Variants in ABCC4 observed in about 807,000 individuals in gnomAD.
ABCC4 encodes ATP-binding cassette sub-family C member 4.
ABCC4 carries 102 observed loss-of-function variants against 168.5 expected under a neutral mutation model. The observed-to-expected ratio is 0.61, with a 90% CI of 0.52 to 0.71. ABCC4 has a LOEUF of 0.71. Among genes scored for constraint, ABCC4 ranks in the 30% least tolerant of loss-of-function variants. ABCC4 has a pLI of 0.00. For missense variants in ABCC4, 1,402 were observed against 1,605.8 expected (o/e 0.87, Z 2.17); for synonymous variants, 617 against 590.7 (o/e 1.04, Z -0.65).
chr13:95,198,737 A>C lies in ABCC4; in HGVS notation c.1162-3800T>G, dbSNP rs963469124. 3.9e-5 allele frequency among the ~76,000 whole-genome samples: 6 copies of C among 152,248 alleles called. No homozygotes were observed. The South Asian group carries it at 1.2e-3, about 32-fold the overall frequency. ...TGCCCATCAATGACAGACTGGATAA[A>C]GAAAATGTGTCATATATACACTGTG... On this transcript the variant is annotated intron_variant, in intron 8 of 30. Coordinates refer to ENST00000645237, the MANE Select transcript of ABCC4 (RefSeq NM_005845.5).
At chr13:95,034,167 A>T (rs895240441) in intron 30 of ABCC4, among the ~76,000 whole-genome samples, 15 of 152,206 alleles carry the variant, frequency 9.9e-5, no homozygotes, top group Admixed American at 2.0e-4. Flanking sequence ...AACAATAAAC[A>T]ATATCCCACA....
At chr13:95,198,547 T>G (rs1047249443) in intron 8 of ABCC4, among the ~76,000 whole-genome samples, 1 of 152,186 alleles carries the variant, frequency 6.6e-6, no homozygotes, top group Admixed American at 6.5e-5. Context: ...AAAGACAACG[T>G]GGCAATTCCT....
At chr13:95,271,538 A>G (rs1738150582) in intron 1 of ABCC4, among the ~76,000 whole-genome samples, 1 of 152,186 alleles carries the variant, frequency 6.6e-6, no homozygotes, top group African/African-American at 2.4e-5. Context: ...AAACCACAGC[A>G]AGTATTTGCG....
intron 25 of ABCC4, among the ~76,000 whole-genome samples, chr13:95,066,072 G>A (rs189595759): frequency 6.6e-6 from 1 of 152,346 alleles, no homozygotes; most frequent in African/African-American, 2.4e-5. Flanking sequence ...CGGGGTGGCT[G>A]TGAGGACTAA....
At chr13:95,042,481 G>C (rs2032403985) in intron 29 of ABCC4, among the ~76,000 whole-genome samples, 1 of 152,210 alleles carries the variant, frequency 6.6e-6, no homozygotes, top group African/African-American at 2.4e-5. Flanking sequence ...AGGAAAGAGA[G>C]AGAACAGAGG....
chr13:95,194,959 C>T, intron 8 of ABCC4, 22 bp from the exon 9 acceptor site: 1 of 1,594,550 alleles, frequency 6.3e-7, no homozygotes, highest in South Asian at 1.1e-5. Context: ...GGGAAAAACA[C>T]AGATTGTTTA....
intron 1 of ABCC4, among the ~76,000 whole-genome samples, chr13:95,257,001 T>C (rs2040409216): frequency 6.6e-6 from 1 of 152,206 alleles, no homozygotes; most frequent in African/African-American, 2.4e-5. Flanking sequence ...AATATACAAT[T>C]GATCCTTGAA....
intron 4 of ABCC4, among the ~76,000 whole-genome samples, chr13:95,217,423 T>C (rs1017765932): frequency 8.5e-5 from 13 of 152,182 alleles, no homozygotes; most frequent in African/African-American, 3.1e-4. Context: ...CCCCCCTCTC[T>C]AATAGTCCTT....
intron 1 of ABCC4, among the ~76,000 whole-genome samples, chr13:95,287,941 C>T (rs1280380280): frequency 2.0e-5 from 3 of 151,534 alleles, no homozygotes; most frequent in Non-Finnish European, 4.4e-5. Context: ...ACTCGGGAGG[C>T]TGAGGCACGA....
chr13:95,203,483 C>A (rs142392834), intron 8 of ABCC4, among the ~76,000 whole-genome samples: 1 of 151,878 alleles, frequency 6.6e-6, no homozygotes, highest in African/African-American at 2.4e-5. Flanking sequence ...GCGTGTAGCT[C>A]AGGAGCTGGG....
intron 19 of ABCC4, among the ~76,000 whole-genome samples, chr13:95,128,645 C>T (rs1439381536): frequency 6.6e-6 from 1 of 152,202 alleles, no homozygotes; most frequent in East Asian, 1.9e-4. Context: ...ACCTACCTTT[C>T]ACCCCGAAGG....
chr13:95,150,621 T>C (rs1258869758), intron 19 of ABCC4, among the ~76,000 whole-genome samples: 4 of 152,148 alleles, frequency 2.6e-5, no homozygotes, highest in African/African-American at 9.7e-5. Flanking sequence ...TGACCAAGAA[T>C]GAGAACACTC....
At chr13:95,279,275 T>C (rs1048078636) in intron 1 of ABCC4, among the ~76,000 whole-genome samples, 2 of 152,210 alleles carry the variant, frequency 1.3e-5, no homozygotes, top group Non-Finnish European at 2.9e-5. Flanking sequence ...GCTAAAGCGC[T>C]TCGCATGTGA....
At chr13:95,268,519 T>TCGTCCCTTGGCC (rs2138872142) in intron 1 of ABCC4, among the ~76,000 whole-genome samples, 1 of 125,122 alleles carries the variant, frequency 8.0e-6, no homozygotes, top group Admixed American at 7.4e-5. Context: ...TGTCTCCTGC[T>TCGTCCCTTGGCC]CGTCCCTTGG....
Position 95,075,519 on chromosome 13 carries a change from AAGATG to A in ABCC4, c.2714_2718del (p.Ser905PhefsTer22). The A allele has an allele frequency of 5.0e-6, 8 of 1,614,044 alleles. No individual in the cohort carries two copies. The highest frequency in any genetic ancestry group is 6.8e-6 in the Non-Finnish European group (8 of 1,179,978). On this transcript the variant is annotated frameshift_variant, in exon 22 of 31. Transcript: ENST00000645237. LOFTEE classifies it high-confidence loss of function. ...CGGATGGTCCAGAGCCCCTGGAGAG[AAGATG>A]ATAAGTGGGAAAACACTGGACTCCG...
At chr13:95,182,492 A>G (rs1335766279) in intron 11 of ABCC4, among the ~76,000 whole-genome samples, 2 of 152,210 alleles carry the variant, frequency 1.3e-5, no homozygotes, top group African/African-American at 4.8e-5. Flanking sequence ...CCCTATATAA[A>G]TATCAATTCA....
chr13:95,195,289 G>A (rs2038381643), intron 8 of ABCC4, among the ~76,000 whole-genome samples: 1 of 152,144 alleles, frequency 6.6e-6, no homozygotes, highest in Non-Finnish European at 1.5e-5. Context: ...TGGTGAACAC[G>A]GGAGTTGGTT....
chr13:95,098,763 T>G (rs34613994), intron 20 of ABCC4, among the ~76,000 whole-genome samples: 15,473 of 152,204 alleles, frequency 0.1, 1,091 homozygotes, highest in Non-Finnish European at 0.15. Flanking sequence ...AATAAGACAC[T>G]TGAATGGCCA....
At position 95,144,225 on chromosome 13, in the gene ABCC4, C is replaced by T. The variant is rs2036412183; in HGVS notation, c.2455+16964G>A. On this transcript the variant is annotated intron_variant, in intron 19 of 30. Coordinates refer to ENST00000645237, the MANE Select transcript of ABCC4 (RefSeq NM_005845.5). The stretch of plus-strand genomic sequence containing the variant: ...GTACTATATTAAACGTAACTTAACC[C>T]TTATCTGAGGGGGTGAAGCATGATG... 2.7e-5 allele frequency among the ~76,000 whole-genome samples: 3 copies of T among 109,492 alleles called. No individual in the cohort carries two copies. The Admixed American group carries it at 2.8e-4, about 10-fold the overall frequency. 71.8% of individuals were successfully genotyped at this position (109,492 alleles called of 152,430 possible). A position where few individuals can be genotyped will look rare whatever the true frequency, so the allele number is the denominator to read the frequency against.
Sources: gnomAD v4.1 joint callset for allele counts (sites outside exome capture counted in the v4.1 genomes callset) on GRCh38, gnomAD v4.1.1 for gene constraint, MANE v1.5 for transcripts, NCBI Gene and HGNC (gene_info 2026-07-23, HGNC 2026-07-21) for gene names.